FAM193A: variants seen among roughly 807,000 people sequenced by gnomAD.
FAM193A encodes the protein protein FAM193A.
A neutral mutation model predicts 126.5 loss-of-function variants in FAM193A; 22 were observed. That is an observed-to-expected ratio of 0.17 (90% CI 0.12 to 0.25). FAM193A has a LOEUF of 0.25. Ranked by LOEUF, FAM193A falls within the 10% of genes least tolerant of loss-of-function variation. The pLI is 1.00. For synonymous variants in FAM193A, 761 were observed against 646.8 expected, an observed-to-expected ratio of 1.18 and a Z score of -2.68; for missense variants, 1,675 against 1,672.8, an observed-to-expected ratio of 1.00 and a Z score of -0.02.
chr4:2,722,204 G>T (rs1468591464), intron 20 of FAM193A, among the ~76,000 whole-genome samples: 1 of 152,170 alleles, frequency 6.6e-6, no homozygotes, highest in Non-Finnish European at 1.5e-5. Flanking sequence ...TTATGTGGCT[G>T]TCCTGTGTGT....
rs183644247 is a variant in FAM193A, at chr4:2,609,633, G to A, written c.501+13304G>A. Reference sequence around the variant, plus strand: ...TTAAGCCATTTAAGAGTTTGCTGGCGTAGGCCACCGTGCACGGCGGCCTAG... The same window carrying A: ...TTAAGCCATTTAAGAGTTTGCTGGCATAGGCCACCGTGCACGGCGGCCTAG... On this transcript the variant is annotated intron_variant, in intron 2 of 20. Transcript: ENST00000637812. 6.6e-4 allele frequency among the ~76,000 whole-genome samples: 100 copies of A among 152,212 alleles called. No homozygotes were observed. The South Asian group carries it at 7.7e-3, about 12-fold the overall frequency.
intron 18 of FAM193A, among the ~76,000 whole-genome samples, 175 bp from the exon 19 acceptor site, chr4:2,699,505 A>G (rs1717448039): frequency 6.7e-6 from 1 of 148,790 alleles, no homozygotes; most frequent in Admixed American, 7.1e-5. Flanking sequence ...AAGTTTAACA[A>G]TCCTGCAGAG....
intron 7 of FAM193A, 99 bp from the exon 8 acceptor site, chr4:2,657,704 A>G: frequency 1.4e-6 from 1 of 724,140 alleles, no homozygotes; most frequent in Non-Finnish European, 2.4e-6. Context: ...TCTCTCATAT[A>G]TATCATTTTA....
chr4:2,547,470 T>C (rs1737632819), intron 1 of FAM193A, among the ~76,000 whole-genome samples: 1 of 152,092 alleles, frequency 6.6e-6, no homozygotes, highest in Admixed American at 6.6e-5. Flanking sequence ...CAGGCTGGTG[T>C]CTATCTCCAG....
chr4:2,547,887 A>G (rs969017193), intron 1 of FAM193A, among the ~76,000 whole-genome samples: 20 of 151,762 alleles, frequency 1.3e-4, no homozygotes, highest in Non-Finnish European at 2.4e-4. Flanking sequence ...GGCCTCCCAA[A>G]GTGCTGGGGT....
At chr4:2,708,213 C>T (rs9683962) in intron 19 of FAM193A, 20,303 of 443,788 alleles carry the variant, frequency 0.046, 930 homozygotes, top group African/African-American at 0.16. Flanking sequence ...GCAACCTTCG[C>T]CTCCCAGGTT....
rs1056768091 is a variant in FAM193A, at chr4:2,721,723, A to G, written c.4454+5619A>G. 3.2e-4 allele frequency among the ~76,000 whole-genome samples: 48 copies of G among 152,174 alleles called. 1 individual carries two copies. Among genetic ancestry groups the G allele is most frequent in the Non-Finnish European group, 6.3e-4 (43 of 68,032 alleles). ...GCATAACTGTTAAATTACTTTGGAA[A>G]AGAGTTTGGCAGACTCTAGCAAAAT... On this transcript the variant is annotated intron_variant, in intron 20 of 20. Transcript: ENST00000637812.
At chr4:2,580,729 A>G (rs558095828) in intron 1 of FAM193A, among the ~76,000 whole-genome samples, 3 of 152,302 alleles carry the variant, frequency 2.0e-5, no homozygotes, top group Admixed American at 6.5e-5. Flanking sequence ...GCCTTTTGCC[A>G]TGAGTAAAAG....
chr4:2,680,988 T>C (rs1022214381), intron 13 of FAM193A, among the ~76,000 whole-genome samples: 3 of 152,172 alleles, frequency 2.0e-5, no homozygotes, highest in Non-Finnish European at 2.9e-5. Flanking sequence ...TTCTTAATTT[T>C]AATTTAATTT....
intron 2 of FAM193A, among the ~76,000 whole-genome samples, chr4:2,609,487 T>C (rs1741731965): frequency 6.6e-6 from 1 of 152,228 alleles, no homozygotes; most frequent in Admixed American, 6.5e-5. Flanking sequence ...TTATGGGCAT[T>C]AGCAGTTGTC....
At chr4:2,561,046 C>T (rs1265016532) in intron 1 of FAM193A, among the ~76,000 whole-genome samples, 3 of 152,222 alleles carry the variant, frequency 2.0e-5, no homozygotes, top group Non-Finnish European at 2.9e-5. Flanking sequence ...TAGTTCTCCT[C>T]CTGACTCTTG....
intron 20 of FAM193A, among the ~76,000 whole-genome samples, chr4:2,728,238 ATT>A (rs58609064): frequency 1.3e-4 from 11 of 82,062 alleles, no homozygotes; most frequent in South Asian, 4.5e-4. Context: ...ACCCGGCCCA[ATT>A]TTTTTTTTTT....
chr4:2,645,138 T>C (rs1234085322), intron 6 of FAM193A, among the ~76,000 whole-genome samples: 1 of 152,154 alleles, frequency 6.6e-6, no homozygotes, highest in Non-Finnish European at 1.5e-5. Flanking sequence ...TGTGCCATGA[T>C]GCATTTGGTA....
intron 20 of FAM193A, among the ~76,000 whole-genome samples, chr4:2,719,326 C>G (rs536768160): frequency 1.8e-4 from 28 of 152,092 alleles, no homozygotes; most frequent in Non-Finnish European, 3.4e-4. Flanking sequence ...TATTCTCATA[C>G]CTACATCAGT....
At chr4:2,606,297 A>G (rs1195440504) in intron 2 of FAM193A, among the ~76,000 whole-genome samples, 1 of 151,802 alleles carries the variant, frequency 6.6e-6, no homozygotes, top group Non-Finnish European at 1.5e-5. Context: ...TGATCCACCC[A>G]CCTCTGTCTC....
chr4:2,687,832 T>A (rs1715914450), intron 13 of FAM193A, among the ~76,000 whole-genome samples: 1 of 152,194 alleles, frequency 6.6e-6, no homozygotes, highest in African/African-American at 2.4e-5. Context: ...TGGTACAAAG[T>A]TGTCTTTGGC....
intron 19 of FAM193A, among the ~76,000 whole-genome samples, chr4:2,706,976 G>A (rs1449669696): frequency 1.3e-5 from 2 of 151,954 alleles, no homozygotes; most frequent in African/African-American, 2.4e-5. Context: ...AAAAAAATTA[G>A]CCAGGTGTGG....
intron 1 of FAM193A, among the ~76,000 whole-genome samples, chr4:2,564,960 G>C (rs538927217): frequency 1.3e-5 from 2 of 152,116 alleles, no homozygotes; most frequent in African/African-American, 4.8e-5. Flanking sequence ...CACCATGCCT[G>C]GTTAATTAAA....
chr4:2,567,931 G>A (rs1739064474), intron 1 of FAM193A, among the ~76,000 whole-genome samples: 1 of 152,190 alleles, frequency 6.6e-6, no homozygotes. Context: ...GGGTGTGGCT[G>A]TTGCCCTCCA....
Sources: gnomAD v4.1 joint callset for allele counts (sites outside exome capture counted in the v4.1 genomes callset) on GRCh38, gnomAD v4.1.1 for gene constraint, MANE v1.5 for transcripts, NCBI Gene and HGNC (gene_info 2026-07-23, HGNC 2026-07-21) for gene names.